Variants in TMEM266 observed in about 807,000 individuals in gnomAD.
TMEM266 encodes the protein transmembrane protein 266.
TMEM266 carries 33 observed loss-of-function variants against 50.5 expected under a neutral mutation model. The observed-to-expected ratio is 0.65, with a 90% CI of 0.50 to 0.87. The LOEUF (loss-of-function observed/expected upper bound fraction) is 0.87, where lower values mean the gene tolerates loss of function less well. Ranked by LOEUF, TMEM266 falls within the 40% of genes least tolerant of loss-of-function variation. TMEM266 has a pLI of 0.00. For synonymous variants in TMEM266, 310 were observed against 292.3 expected, an observed-to-expected ratio of 1.06 and a Z score of -0.62; for missense variants, 655 against 695.1, an observed-to-expected ratio of 0.94 and a Z score of 0.65.
chr15:76,158,238 C>T (rs1298882095), intron 4 of TMEM266, among the ~76,000 whole-genome samples: 1 of 152,148 alleles, frequency 6.6e-6, no homozygotes, highest in Admixed American at 6.5e-5. Flanking sequence ...AGAGCGTGGA[C>T]GGTGAGCACA....
chr15:76,190,287 GA>G (rs2038548757), intron 8 of TMEM266, among the ~76,000 whole-genome samples: 1 of 152,238 alleles, frequency 6.6e-6, no homozygotes, highest in Admixed American at 6.5e-5. Context: ...AGAACCAGAA[GA>G]AGGATTGCGT....
chr15:76,089,436 G>A (rs1293225586), intron 1 of TMEM266, among the ~76,000 whole-genome samples: 3 of 151,836 alleles, frequency 2.0e-5, no homozygotes, highest in Non-Finnish European at 2.9e-5. Flanking sequence ...CTTGTGATCT[G>A]CCCGCCTCAG....
At chr15:76,158,480 T>C (rs954267096) in intron 4 of TMEM266, among the ~76,000 whole-genome samples, 3 of 152,162 alleles carry the variant, frequency 2.0e-5, no homozygotes, top group African/African-American at 7.2e-5. Context: ...CTCGGGGCCC[T>C]CGGCTGCTCG....
At chr15:76,102,229 T>G (rs144480543) in intron 1 of TMEM266, among the ~76,000 whole-genome samples, 11 of 152,342 alleles carry the variant, frequency 7.2e-5, no homozygotes, top group African/African-American at 2.4e-4. Flanking sequence ...TTCTTGGTGC[T>G]GCAAAGACAG....
intron 1 of TMEM266, among the ~76,000 whole-genome samples, chr15:76,072,154 A>G: frequency 6.6e-6 from 1 of 151,960 alleles, no homozygotes; most frequent in East Asian, 1.9e-4. Context: ...GAAGCACTGG[A>G]CCGGCCGGGT....
At chr15:76,157,173 G>A (rs947487390) in intron 4 of TMEM266, among the ~76,000 whole-genome samples, 1 of 152,084 alleles carries the variant, frequency 6.6e-6, no homozygotes, top group Non-Finnish European at 1.5e-5. Context: ...TTATGACAGC[G>A]ACCACAGTGA....
chr15:76,182,650 A>T (rs1172398943), intron 8 of TMEM266, among the ~76,000 whole-genome samples: 1 of 152,110 alleles, frequency 6.6e-6, no homozygotes, highest in East Asian at 1.9e-4. Flanking sequence ...TCACAAAAAA[A>T]CAAAACAAAA....
rs772544145 is a variant in TMEM266 at position 76,175,652 on chromosome 15, C to T, written c.746C>T (p.Thr249Met). The T allele has an allele frequency of 8.8e-5, 142 of 1,613,984 alleles. No homozygotes were observed. Among genetic ancestry groups the T allele is most frequent in the Middle Eastern group, 1.6e-4 (1 of 6,084 alleles). ...CAAGACGAGCAGCTGGAGAGGCTGA[C>T]GCAGATCTGTCAGGAGCAAGGGGTA... Residue 249 changes from threonine (T) to methionine (M), a missense_variant, in exon 8 of 11, where the codon ACG (threonine) becomes ATG (methionine). This residue lies in a region of TMEM266 where 455 missense variants were observed against 401.8 expected (regional missense o/e 1.13). Transcript: ENST00000388942.
intron 1 of TMEM266, among the ~76,000 whole-genome samples, chr15:76,095,124 G>T (rs2036904837): frequency 6.6e-6 from 1 of 151,916 alleles, no homozygotes; most frequent in Non-Finnish European, 1.5e-5. Context: ...TTGCCTGATT[G>T]CCCTGACCAG....
intron 1 of TMEM266, among the ~76,000 whole-genome samples, chr15:76,097,127 T>C (rs2036933349): frequency 6.6e-6 from 1 of 151,982 alleles, no homozygotes; most frequent in South Asian, 2.1e-4. Context: ...AAGGTTAATA[T>C]TGTTATGTGT....
chr15:76,060,444 G>C (rs1488721893), intron 1 of TMEM266, among the ~76,000 whole-genome samples: 8 of 152,104 alleles, frequency 5.3e-5, no homozygotes, highest in Admixed American at 5.2e-4. Context: ...GTATAGAGGT[G>C]GAAATCCCAC....
chr15:76,155,124 G>A (rs1197108153), intron 3 of TMEM266, among the ~76,000 whole-genome samples: 2 of 152,228 alleles, frequency 1.3e-5, no homozygotes, highest in African/African-American at 4.8e-5. Context: ...GGGAGGCAGA[G>A]GCGGAGGCCA....
Position 76,134,177 on chromosome 15 carries a change from T to C in TMEM266, c.-87T>C, listed in dbSNP as rs1191888603. 2.7e-6 allele frequency: 4 copies of C among 1,461,416 alleles called. No homozygotes were observed. The highest frequency in any genetic ancestry group is 3.8e-6 in the Non-Finnish European group (4 of 1,047,822). The allele number at this position is 1,461,416 out of a possible 1,614,324, so 90.5% of individuals were successfully genotyped here. A position where few individuals can be genotyped will look rare whatever the true frequency, so the allele number is the denominator to read the frequency against. On this transcript the variant is annotated 5_prime_UTR_variant, in exon 2 of 11. Coordinates refer to ENST00000388942, the MANE Select transcript of TMEM266 (RefSeq NM_152335.3). ...CTATTTTTGTTTTCAGGGCACTATATTTGTATGTGTCTTGTAGAACCCACG... is the reference window on the plus strand; with the variant it reads ...CTATTTTTGTTTTCAGGGCACTATACTTGTATGTGTCTTGTAGAACCCACG...
chr15:76,113,582 G>T (rs769590176), intron 1 of TMEM266: 1 of 152,202 alleles, frequency 6.6e-6, no homozygotes, highest in African/African-American at 2.4e-5. Context: ...ATCACACTGC[G>T]CTTCAGAAGA....
chr15:76,067,644 AAAAAAGAAAAGAAAAG>A (rs1465039172), intron 1 of TMEM266, among the ~76,000 whole-genome samples: 326 of 138,304 alleles, frequency 2.4e-3, no homozygotes, highest in African/African-American at 7.9e-3. Context: ...AAAAAAAAAA[AAAAAAGAAAAGAAAAG>A]AAAAGAAAAG....
At chr15:76,190,796 G>C (rs1418791316) in intron 8 of TMEM266, among the ~76,000 whole-genome samples, 1 of 152,172 alleles carries the variant, frequency 6.6e-6, no homozygotes, top group Non-Finnish European at 1.5e-5. Context: ...AGTTTGAGGG[G>C]TCAGGGCTGG....
chr15:76,138,081 G>A (rs1339173389), intron 3 of TMEM266, among the ~76,000 whole-genome samples, 186 bp downstream of exon 3: 1 of 152,104 alleles, frequency 6.6e-6, no homozygotes, highest in East Asian at 1.9e-4. Flanking sequence ...AATTAGCCGA[G>A]TGTGGTGGTG....
In TMEM266 at chr15:76,101,258, G is replaced by A. The variant is rs1416757344; in HGVS notation, c.-96-32910G>A. Among the ~76,000 whole-genome samples, 53 of 152,192 alleles carry A rather than the reference G, an allele frequency of 3.5e-4. 1 individual carries two copies. The highest frequency in any genetic ancestry group is 1.5e-5 in the Non-Finnish European group (1 of 68,040). Reference sequence around the variant, plus strand: ...GTACCTGGTGCAAAAGAGCTTCAGAGTTGCCATGACAACTACAGTAGTCTT... The same window carrying A: ...GTACCTGGTGCAAAAGAGCTTCAGAATTGCCATGACAACTACAGTAGTCTT... On this transcript the variant is annotated intron_variant, in intron 1 of 10. Transcript: ENST00000388942.
At chr15:76,203,564 G>A (rs1369567625) in intron 10 of TMEM266, among the ~76,000 whole-genome samples, 177 bp from the exon 11 acceptor site, 1 of 152,206 alleles carries the variant, frequency 6.6e-6, no homozygotes, top group African/African-American at 2.4e-5. Context: ...CCTCAAAGCA[G>A]GGCAGTGATG....
Sources: allele counts gnomAD v4.1 joint callset (sites outside exome capture counted in the v4.1 genomes callset), GRCh38; gene constraint gnomAD v4.1.1; regional missense constraint gnomAD v4.1.1; transcripts MANE v1.5; gene names NCBI Gene and HGNC (gene_info 2026-07-23, HGNC 2026-07-21).